Variants in CELF4 observed in about 807,000 individuals in gnomAD.
The protein encoded by CELF4 is CUG-BP- and ETR-3-like factor 4.
Under a neutral mutation model 59.9 loss-of-function variants are expected in CELF4, and 18 were observed. That is an observed-to-expected ratio of 0.30 (90% CI 0.21 to 0.45). The LOEUF (loss-of-function observed/expected upper bound fraction) is 0.45. CELF4 is among the 20% of genes least tolerant of loss of function. CELF4 has a pLI of 1.00. For synonymous variants in CELF4, 261 were observed against 267.1 expected, an observed-to-expected ratio of 0.98 and a Z score of 0.22; for missense variants, 456 against 689.0, an observed-to-expected ratio of 0.66 and a Z score of 3.79.
intron 1 of CELF4, among the ~76,000 whole-genome samples, chr18:37,555,692 A>G (rs2099984569): frequency 6.6e-6 from 1 of 152,216 alleles, no homozygotes; most frequent in African/African-American, 2.4e-5. Context: ...CTTTGTCCAC[A>G]CAACTGAATC....
At chr18:37,367,323 G>A (rs2098797673) in intron 2 of CELF4, among the ~76,000 whole-genome samples, 1 of 152,054 alleles carries the variant, frequency 6.6e-6, no homozygotes, top group Admixed American at 6.6e-5. Context: ...CCAGACTGGA[G>A]GCAGACACGG....
At chr18:37,366,384 C>T (rs773932218) in intron 2 of CELF4, among the ~76,000 whole-genome samples, 1 of 152,214 alleles carries the variant, frequency 6.6e-6, no homozygotes, top group Non-Finnish European at 1.5e-5. Context: ...CTCATCTCCA[C>T]TTGCCAACTC....
At chr18:37,538,741 GAATATAGAAAGC>G (rs1404662928) in intron 1 of CELF4, among the ~76,000 whole-genome samples, 1 of 152,194 alleles carries the variant, frequency 6.6e-6, no homozygotes, top group Non-Finnish European at 1.5e-5. Flanking sequence ...GTGCTTTAGC[GAATATAGAAAGC>G]AATTCTGACA....
At chr18:37,430,852 C>A (rs891155031) in intron 2 of CELF4, among the ~76,000 whole-genome samples, 2 of 152,238 alleles carry the variant, frequency 1.3e-5, no homozygotes, top group African/African-American at 4.8e-5. Context: ...CCATGGGGAT[C>A]TGGCACATTA....
intron 2 of CELF4, among the ~76,000 whole-genome samples, chr18:37,413,419 G>A (rs566183055): frequency 5.8e-4 from 89 of 152,294 alleles, no homozygotes; most frequent in African/African-American, 2.1e-3. Context: ...AGGGTATGTT[G>A]TGGGGCATGT....
chr18:37,464,064 G>A (rs532501764), intron 2 of CELF4, among the ~76,000 whole-genome samples: 13 of 152,180 alleles, frequency 8.5e-5, no homozygotes, highest in African/African-American at 2.9e-4. Context: ...GCCTTGTGGC[G>A]TATTTACAGA....
chr18:37,378,165 A>AC (rs1414441570), intron 2 of CELF4, among the ~76,000 whole-genome samples: 4 of 151,956 alleles, frequency 2.6e-5, no homozygotes, highest in African/African-American at 9.7e-5. Context: ...CCCATGGTGG[A>AC]CCCCTCCTCT....
intron 2 of CELF4, among the ~76,000 whole-genome samples, chr18:37,454,496 C>T (rs769677139): frequency 6.6e-6 from 1 of 152,108 alleles, no homozygotes; most frequent in Non-Finnish European, 1.5e-5. Context: ...CATCTTGTGA[C>T]CTTATCTGTT....
intron 1 of CELF4, among the ~76,000 whole-genome samples, chr18:37,550,245 G>A (rs903986768): frequency 6.6e-6 from 1 of 152,176 alleles, no homozygotes; most frequent in Non-Finnish European, 1.5e-5. Context: ...GGCTTGCAGT[G>A]GCCCCTGTGT....
intron 1 of CELF4, among the ~76,000 whole-genome samples, chr18:37,558,002 T>TC (rs900219740): frequency 8.4e-5 from 12 of 142,118 alleles, no homozygotes; most frequent in Admixed American, 2.1e-4. Context: ...TTTTACTTTT[T>TC]TTTTTTTTTT....
intron 12 of CELF4, among the ~76,000 whole-genome samples, chr18:37,250,077 C>G (rs528494417): frequency 1.3e-5 from 2 of 152,040 alleles, no homozygotes; most frequent in African/African-American, 4.8e-5. Context: ...TAAGCAGTGG[C>G]GGAACAAGGG....
chr18:37,565,768 A>C lies in CELF4; in HGVS notation c.-127T>G, dbSNP rs1249980328. 3.2e-6 allele frequency: 2 copies of C among 625,642 alleles called. No individual in the cohort carries two copies. Among genetic ancestry groups the C allele is most frequent in the Non-Finnish European group, 4.9e-6 (2 of 408,402 alleles). 38.8% of individuals were successfully genotyped at this position (625,642 alleles called of 1,614,324 possible). ...GTTCTCTCCCCCTCGGTTTCTCTAC[A>C]CCTCGCTCTCCGCTCGCTCTCTGCT... On this transcript the variant is annotated 5_prime_UTR_variant, in exon 1 of 13. Coordinates refer to ENST00000420428, the MANE Select transcript of CELF4 (RefSeq NM_020180.4).
rs527989967 is a variant in CELF4, at chr18:37,404,056, C to T, written c.369+81469G>A. Among the ~76,000 whole-genome samples, 3 of 152,312 alleles carry T rather than the reference C, an allele frequency of 2.0e-5. No homozygotes were observed. The East Asian group carries it at 5.8e-4, about 29-fold the overall frequency. On this transcript the variant is annotated intron_variant, in intron 2 of 12. Transcript: ENST00000420428. ...CACCTGAAGTGGGATCTTTGACCAC[C>T]ATTCCCGGATTCCCCTCTGGGGCCC...
chr18:37,339,051 A>T (rs2154546230), intron 2 of CELF4, among the ~76,000 whole-genome samples: 1 of 152,336 alleles, frequency 6.6e-6, no homozygotes, highest in South Asian at 2.1e-4. Flanking sequence ...GGCAGAGCTG[A>T]TGCGGGCTGT....
chr18:37,550,123 T>A (rs1410999883), intron 1 of CELF4, among the ~76,000 whole-genome samples: 1 of 119,954 alleles, frequency 8.3e-6, no homozygotes, highest in African/African-American at 4.4e-5. Flanking sequence ...ACCCCAAGAA[T>A]AGGTCTGGGG....
intron 2 of CELF4, among the ~76,000 whole-genome samples, chr18:37,347,617 C>T (rs1236953631): frequency 6.6e-6 from 1 of 152,158 alleles, no homozygotes; most frequent in Non-Finnish European, 1.5e-5. Flanking sequence ...CTGCCCCTCA[C>T]TTCCCTTTCT....
chr18:37,533,350 A>G (rs8095394), intron 1 of CELF4, among the ~76,000 whole-genome samples: 17,465 of 152,214 alleles, frequency 0.11, 2,055 homozygotes, highest in African/African-American at 0.29. Context: ...ACGGCAGGTG[A>G]GAAATTTGGG....
At chr18:37,414,065 C>T (rs1008163446) in intron 2 of CELF4, among the ~76,000 whole-genome samples, 1 of 152,218 alleles carries the variant, frequency 6.6e-6, no homozygotes, top group Non-Finnish European at 1.5e-5. Flanking sequence ...TTGACACTTC[C>T]TTTCTGCTTT....
chr18:37,445,325 G>A (rs1432228114), intron 2 of CELF4, among the ~76,000 whole-genome samples: 1 of 151,912 alleles, frequency 6.6e-6, no homozygotes, highest in African/African-American at 2.4e-5. Flanking sequence ...TTCTCCCCCA[G>A]GGGAGCAGAA....
Sources: allele counts gnomAD v4.1 joint callset (sites outside exome capture counted in the v4.1 genomes callset), GRCh38; gene constraint gnomAD v4.1.1; transcripts MANE v1.5; gene names NCBI Gene and HGNC (gene_info 2026-07-23, HGNC 2026-07-21).